The following MYH2 variants were observed in gnomAD, a reference collection of about 807,000 sequenced individuals.
The protein encoded by MYH2 is myosin heavy chain 2.
Under a neutral mutation model 228.1 loss-of-function variants are expected in MYH2, and 139 were observed. The ratio of observed to expected loss-of-function variants is 0.61; its 90% CI spans 0.53 to 0.70. The LOEUF is 0.70. Ranked by LOEUF, MYH2 falls within the 30% of genes least tolerant of loss-of-function variation. The probability of loss-of-function intolerance (pLI) is 0.00; values close to 1 mark genes in which losing one functional copy is unlikely to be tolerated. For synonymous variants in MYH2, 796 were observed against 871.1 expected, an observed-to-expected ratio of 0.91 and a Z score of 1.52; for missense variants, 1,809 against 2,357.5, an observed-to-expected ratio of 0.77 and a Z score of 4.82.
rs1884413868 is a variant in MYH2, at chr17:10,527,813, T to A, written c.3806A>T (p.Glu1269Val). ...ATTGATCAGCCGCTGCTGCTCCTCT[T>A]CCTTTGATTTCAGTTCACTCAGTTG... ...EDQLSELKSKEEEQQRLINDL... is the reference protein window; with the variant it reads ...EDQLSELKSKVEEQQRLINDL... The change falls in exon 28 of 40, where the codon GAA (glutamate) becomes GTA (valine). Residue 1269 changes from glutamate to valine, a missense_variant. Physicochemically the swap from Glu to Val is moderately radical, Grantham distance 121. This residue lies in a region of MYH2 where 636 missense variants were observed against 729.9 expected (regional missense o/e 0.87). Transcript: ENST00000245503. 2 of 1,613,972 alleles carry A rather than the reference T, an allele frequency of 1.2e-6. No individual in the cohort carries two copies. Among genetic ancestry groups the A allele is most frequent in the African/African-American group, 2.7e-5 (2 of 74,918 alleles).
Position 10,540,578 on chromosome 17 carries a change from C to G in MYH2, c.1008+16G>C, listed in dbSNP as rs1489541361. The G allele has an allele frequency of 1.9e-6, 3 of 1,574,918 alleles. No individual in the cohort carries two copies. The African/African-American group carries it at 4.1e-5, about 21-fold the overall frequency. ...GACCCACCATAATAATTCCAATTTT[C>G]TTGTGTTCTACTTACATCTGTGGCC... On this transcript the variant is annotated intron_variant, in intron 11 of 39. Coordinates refer to ENST00000245503, the MANE Select transcript of MYH2 (RefSeq NM_017534.6).
chr17:10,539,604 AG>A (rs2073527042), intron 12 of MYH2, 42 bp from the exon 13 acceptor site: 3 of 1,547,572 alleles, frequency 1.9e-6, no homozygotes, highest in Non-Finnish European at 1.8e-6. Context: ...TGTGGCCCAA[AG>A]AAACCCACTT....
chr17:10,533,752 G>A lies in MYH2; in HGVS notation c.2181-120C>T, dbSNP rs2073452090. On this transcript the variant is annotated intron_variant, in intron 19 of 39. Coordinates refer to ENST00000245503, the MANE Select transcript of MYH2 (RefSeq NM_017534.6). ...AAAAAATATTATTCTTTGTTCACAA[G>A]GAGAACATTGTTTATTTGAATGGTC... is the stretch of plus-strand genomic sequence containing the variant. The A allele has an allele frequency of 9.7e-6, 13 of 1,338,124 alleles. No homozygotes were observed. In the Admixed American group the frequency reaches 1.5e-4, roughly 16 times the overall value. The allele number at this position is 1,338,124 out of a possible 1,614,324, so 82.9% of individuals were successfully genotyped here. A position where few individuals can be genotyped will look rare whatever the true frequency, so the allele number is the denominator to read the frequency against.
Position 10,547,742 on chromosome 17 carries a change from A to C in MYH2, c.179T>G (p.Val60Gly). 6.2e-7 allele frequency: 1 copy of C among 1,614,218 alleles called. No individual in the cohort carries two copies. Among genetic ancestry groups the C allele is most frequent in the Non-Finnish European group, 8.5e-7 (1 of 1,180,036 alleles). Residue 60 changes from valine to glycine, a missense_variant, in exon 3 of 40, where the codon GTG (valine) becomes GGG (glycine). Transcript: ENST00000245503. ...CGCTCCTCCCTCAGTCTTCACCGTC[A>C]CTTTTCCTCCTTCTCTGCTCTGGAT... ...GTIQSREGGK[V>G]TVKTEGGATL...
rs751560989 is a variant in MYH2, at chr17:10,545,367, C to T, written c.484G>A (p.Ala162Thr). Residue 162 changes from alanine to threonine, a missense_variant, in exon 5 of 40, where the codon GCC becomes ACC. Coordinates refer to ENST00000245503, the MANE Select transcript of MYH2 (RefSeq NM_017534.6). The stretch of plus-strand genomic sequence containing the variant: ...TCACCAGTCAGCATGAACTGATAGG[C>T]GTTGTCAGAGATGGAGAAGATGTGG... ...PPHIFSISDN[A>T]YQFMLTDREN... The T allele has an allele frequency of 1.9e-5, 30 of 1,613,656 alleles. No homozygotes were observed. Among genetic ancestry groups the T allele is most frequent in the African/African-American group, 4.0e-5 (3 of 74,898 alleles).
Position 10,547,090 on chromosome 17 carries a change from C to CA in MYH2, c.348+384dup, listed in dbSNP as rs1237644250. Among the ~76,000 whole-genome samples the CA allele has an allele frequency of 9.9e-5, 15 of 151,380 alleles. 1 individual carries two copies. In the Middle Eastern group the frequency reaches 0.01, roughly 103 times the overall value. ...TGGGACACAGAGCAAGACTCTGTCT[C>CA]AAAAAAAAATTAAAATAGTTTAAAG... On this transcript the variant is annotated intron_variant, in intron 4 of 39. Transcript: ENST00000245503.
At chr17:10,533,696 T>TA in intron 19 of MYH2, 64 bp from the exon 20 acceptor site, 1 of 1,556,972 alleles carries the variant, frequency 6.4e-7, no homozygotes, top group East Asian at 2.2e-5. Flanking sequence ...AGCTAAACAT[T>TA]AAATGATTCA....
At position 10,544,130 on chromosome 17, in the gene MYH2, A is replaced by G. The variant is rs376344546; in HGVS notation, c.506-3T>C. On this transcript the variant is annotated splice_region_variant and splice_polypyrimidine_tract_variant and intron_variant, in intron 5 of 39. Coordinates refer to ENST00000245503, the MANE Select transcript of MYH2 (RefSeq NM_017534.6). The stretch of plus-strand genomic sequence containing the variant: ...CAGGATTGACTGATTCTCTCGGTCT[A>G]CAAAAGAAATTATAGACATTTAATA... 3.1e-6 allele frequency: 5 copies of G among 1,613,468 alleles called. No individual in the cohort carries two copies. Among genetic ancestry groups the G allele is most frequent in the Non-Finnish European group, 2.5e-6 (3 of 1,179,386 alleles).
At chr17:10,523,467 T>C (rs1300887800) in intron 37 of MYH2, 29 bp downstream of exon 37, 1 of 1,614,166 alleles carries the variant, frequency 6.2e-7, no homozygotes, top group Non-Finnish European at 8.5e-7. Context: ...TGAAAGCAGA[T>C]GGAAATAGAC....
At position 10,539,512 on chromosome 17, in the gene MYH2, T is replaced by C; in HGVS notation, c.1198A>G (p.Lys400Glu). 6.2e-7 allele frequency: 1 copy of C among 1,614,216 alleles called. No homozygotes were observed. The stretch of plus-strand genomic sequence containing the variant: ...TTGACCCTGGGGTAGCAGAGAGCTT[T>C]GAGCAGATCTGCAGAGTTCAGACTC... The part of the protein sequence containing the change: ...LQSLNSADLL[K>E]ALCYPRVKVG... The change falls in exon 13 of 40, where the codon AAA becomes GAA. Residue 400 changes from lysine to glutamate, a missense_variant. Physicochemically the swap from Lys to Glu is moderately conservative, Grantham distance 56 (BLOSUM62 1). Around this residue, in one of 9 missense-constraint regions of MYH2, gnomAD observed 373 missense variants for 620.4 expected, o/e 0.60. Transcript: ENST00000245503.
Position 10,533,640 on chromosome 17 carries a change from A to C in MYH2, c.2181-8T>G. The C allele has an allele frequency of 6.2e-7, 1 of 1,613,942 alleles. No homozygotes were observed. Among genetic ancestry groups the C allele is most frequent in the Non-Finnish European group, 8.5e-7 (1 of 1,179,802 alleles). On this transcript the variant is annotated splice_region_variant and splice_polypyrimidine_tract_variant and intron_variant, in intron 19 of 39. Coordinates refer to ENST00000245503, the MANE Select transcript of MYH2 (RefSeq NM_017534.6). ...GCATTTAATACCTTGTATCTGTTGA[A>C]GTACATATAGCTTTTAACAACTAGT... is the stretch of plus-strand genomic sequence containing the variant.
chr17:10,539,280 G>T lies in MYH2; in HGVS notation c.1341C>A (p.Asn447Lys). The change falls in exon 14 of 40, where the codon AAC becomes AAA. Residue 447 changes from asparagine to lysine, a missense_variant. Coordinates refer to ENST00000245503, the MANE Select transcript of MYH2 (RefSeq NM_017534.6). ...KMFLWMVARI[N>K]QQLDTKQPRQ... ...TGGGCTGCTTGGTGTCCAGCTGCTGGTTGATGCGGGCAACCATCCACAGGA... is the reference window on the plus strand; with the variant it reads ...TGGGCTGCTTGGTGTCCAGCTGCTGTTTGATGCGGGCAACCATCCACAGGA... The T allele has an allele frequency of 6.2e-7, 1 of 1,614,204 alleles. No individual in the cohort carries two copies. The highest frequency in any genetic ancestry group is 8.5e-7 in the Non-Finnish European group (1 of 1,180,038).
At position 10,525,236 on chromosome 17, in the gene MYH2, T is replaced by C. The variant is rs1386357039; in HGVS notation, c.4650A>G (p.Leu1550=). Residue 1550 remains leucine, a synonymous_variant, in exon 33 of 40, where the codon TTA becomes TTG. Transcript: ENST00000245503. The surrounding 1 kb of genome is among the most constrained non-coding windows in gnomAD (Gnocchi z 4.2). ...EQEKCELQAA[L]EEAEASLEHE... ...ATTTTACATGTACCTCTGCTTCTTC[T>C]AAAGCAGCCTGAAGTTCACACTTTT... is the stretch of plus-strand genomic sequence containing the variant. The C allele has an allele frequency of 3.1e-6, 5 of 1,614,060 alleles. No homozygotes were observed. The highest frequency in any genetic ancestry group is 1.7e-5 in the Admixed American group (1 of 60,008).
Position 10,523,374 on chromosome 17 carries a change from C to CT in MYH2, c.5510dup (p.Arg1838AlafsTer2), listed in dbSNP as rs1297291974. 1 of 1,614,214 alleles carries CT rather than the reference C, an allele frequency of 6.2e-7. No individual in the cohort carries two copies. The highest frequency in any genetic ancestry group is 8.5e-7 in the Non-Finnish European group (1 of 1,180,040). ...GACCTTTGACAGCCTCAGCATTACG[C>CT]TTTTGCTCACTCTCAACCTCTCCTT... On this transcript the variant is annotated frameshift_variant, in exon 38 of 40. Coordinates refer to ENST00000245503, the MANE Select transcript of MYH2 (RefSeq NM_017534.6). LOFTEE classifies it high-confidence loss of function.
rs749403573 is a variant in MYH2, at chr17:10,521,406, A to G, written c.5700T>C (p.Ala1900=). Residue 1900 remains alanine, a synonymous_variant, in exon 40 of 40, where the codon GCT becomes GCC. Transcript: ENST00000245503. ...EAEEQSNTNL[A]KFRKLQHELE... Reference sequence around the variant, plus strand: ...GCTCATGCTGGAGCTTGCGGAATTTAGCTAGATTGGTGTTGGATTGTTCCT... The same window carrying G: ...GCTCATGCTGGAGCTTGCGGAATTTGGCTAGATTGGTGTTGGATTGTTCCT... 8.1e-6 allele frequency: 13 copies of G among 1,614,008 alleles called. No individual in the cohort carries two copies. In the South Asian group the frequency reaches 1.3e-4, roughly 16 times the overall value.
chr17:10,525,753 A>G lies in MYH2; in HGVS notation c.4311T>C (p.Asp1437=), dbSNP rs1239094174. 1.2e-6 allele frequency: 2 copies of G among 1,614,150 alleles called. No individual in the cohort carries two copies. Among genetic ancestry groups the G allele is most frequent in the Non-Finnish European group, 8.5e-7 (1 of 1,180,018 alleles). ...LQNEVEDLML[D]VERTNAACAA... Reference sequence around the variant, plus strand: ...CACAGGCGGCATTTGTCCTCTCCACATCAAGCATGAGGTCCTCGACCTCAT... The same window carrying G: ...CACAGGCGGCATTTGTCCTCTCCACGTCAAGCATGAGGTCCTCGACCTCAT... Residue 1437 remains aspartate (D), a synonymous_variant, in exon 31 of 40, where the codon GAT becomes GAC. Transcript: ENST00000245503. The surrounding 1 kb of genome is among the most constrained non-coding windows in gnomAD (Gnocchi z 4.2).
chr17:10,535,477 G>T, intron 17 of MYH2, 112 bp from the exon 18 acceptor site: 2 of 881,122 alleles, frequency 2.3e-6, no homozygotes, highest in Non-Finnish European at 3.7e-6. Context: ...AGTATGGACT[G>T]CATTCATATA....
At position 10,526,691 on chromosome 17, in the gene MYH2, T is replaced by C; in HGVS notation, c.4095A>G (p.Arg1365=). ...CCTCGGTGTTGGCCTTGGACAGTGC[T>C]CTCTGCAGCTCGGCCTTGGATTCCT... ...EEQESKAELQ[R]ALSKANTEVA... is the part of the protein sequence containing the mutation. Residue 1365 remains arginine (R), a synonymous_variant, in exon 30 of 40, where the codon AGA becomes AGG. Coordinates refer to ENST00000245503, the MANE Select transcript of MYH2 (RefSeq NM_017534.6). The C allele has an allele frequency of 1.2e-6, 2 of 1,614,104 alleles. No individual in the cohort carries two copies. The highest frequency in any genetic ancestry group is 1.7e-6 in the Non-Finnish European group (2 of 1,179,942).
chr17:10,548,795 G>T (rs905106248), intron 2 of MYH2, among the ~76,000 whole-genome samples: 5 of 152,138 alleles, frequency 3.3e-5, no homozygotes, highest in Non-Finnish European at 1.5e-5. Flanking sequence ...AGAATGAAAG[G>T]TTTGGCAAAT....
Sources: allele counts gnomAD v4.1 joint callset (sites outside exome capture counted in the v4.1 genomes callset), GRCh38; gene constraint gnomAD v4.1.1; regional missense constraint gnomAD v4.1.1; non-coding constraint Gnocchi (gnomAD v3.1); transcripts MANE v1.5; gene names NCBI Gene and HGNC (gene_info 2026-07-23, HGNC 2026-07-21).